The following PPARA variants were observed in gnomAD, a reference collection of about 807,000 sequenced individuals.
The protein encoded by PPARA is peroxisome proliferator activated receptor alpha.
A neutral mutation model predicts 42.2 loss-of-function variants in PPARA; 22 were observed. The observed-to-expected ratio is 0.52, with a 90% CI of 0.37 to 0.74. PPARA has a LOEUF of 0.74. Among genes scored for constraint, PPARA ranks in the 30% least tolerant of loss-of-function variants. The pLI is 0.00. For synonymous variants in PPARA, 242 were observed against 239.3 expected, an observed-to-expected ratio of 1.01 and a Z score of -0.10; for missense variants, 465 against 608.2, an observed-to-expected ratio of 0.76 and a Z score of 2.48.
At chr22:46,157,877 C>G (rs989982853) in intron 2 of PPARA, among the ~76,000 whole-genome samples, 2 of 152,112 alleles carry the variant, frequency 1.3e-5, no homozygotes, top group East Asian at 3.8e-4. Flanking sequence ...AAGAGATTTG[C>G]AGATAAAGAG....
chr22:46,191,595 G>A lies in PPARA; in HGVS notation c.-42-6747G>A, dbSNP rs1931561358. Among the ~76,000 whole-genome samples, 1 of 150,480 alleles carries A rather than the reference G, an allele frequency of 6.6e-6. No homozygotes were observed. Among genetic ancestry groups the A allele is most frequent in the South Asian group, 2.1e-4 (1 of 4,778 alleles). ...CCCACGCAGAGTCCCTTTGACTTCT[G>A]TTCTAGATATCCATTACATTTTTGT... On this transcript the variant is annotated intron_variant, in intron 3 of 8. Coordinates refer to ENST00000407236, the MANE Select transcript of PPARA (RefSeq NM_005036.6). The surrounding 1 kb of genome is among the most constrained non-coding windows in gnomAD (Gnocchi z 4.6).
At position 46,236,754 on chromosome 22, in the gene PPARA, G is replaced by T. The variant is rs1209843104; in HGVS notation, c.*1374G>T. 1 of 152,614 alleles carries T rather than the reference G, an allele frequency of 6.6e-6. No homozygotes were observed. The highest frequency in any genetic ancestry group is 1.5e-5 in the Non-Finnish European group (1 of 68,050). 9.5% of individuals were successfully genotyped at this position (152,614 alleles called of 1,614,324 possible). On this transcript the variant is annotated 3_prime_UTR_variant, in exon 9 of 9. Coordinates refer to ENST00000407236, the MANE Select transcript of PPARA (RefSeq NM_005036.6). This position sits in a 1 kb window ranked among gnomAD's most constrained non-coding sequence, Gnocchi z 5.2. ...GCCAGTCACCCTGCGGATCGAGAGAGGGGGTAGAGTCTTCTTCAAATGGCA... is the reference window on the plus strand; with the variant it reads ...GCCAGTCACCCTGCGGATCGAGAGATGGGGTAGAGTCTTCTTCAAATGGCA...
chr22:46,193,549 C>T lies in PPARA; in HGVS notation c.-42-4793C>T, dbSNP rs987822021. 2.0e-5 allele frequency among the ~76,000 whole-genome samples: 3 copies of T among 152,042 alleles called. No individual in the cohort carries two copies. On this transcript the variant is annotated intron_variant, in intron 3 of 8. Coordinates refer to ENST00000407236, the MANE Select transcript of PPARA (RefSeq NM_005036.6). This position sits in a 1 kb window ranked among gnomAD's most constrained non-coding sequence, Gnocchi z 5.3. ...TGCCTATGTCAAAGCATCTCATGTA[C>T]CCCATAAATATATACACTGAGTATA...
At chr22:46,215,435 C>A (rs1934387821) in intron 5 of PPARA, 102 bp downstream of exon 5, 1 of 1,504,716 alleles carries the variant, frequency 6.6e-7, no homozygotes, top group East Asian at 2.3e-5. Flanking sequence ...GCAGAAAGTC[C>A]CGGATAAGAA....
chr22:46,168,539 AT>A (rs1927481802), intron 2 of PPARA, among the ~76,000 whole-genome samples: 1 of 151,882 alleles, frequency 6.6e-6, no homozygotes, highest in African/African-American at 2.4e-5. Flanking sequence ...TTGGATATGG[AT>A]TATATAAAGA....
At position 46,233,358 on chromosome 22, in the gene PPARA, A is replaced by G. The variant is rs1214564626; in HGVS notation, c.1159+1119A>G. Among the ~76,000 whole-genome samples, 5 of 152,154 alleles carry G rather than the reference A, an allele frequency of 3.3e-5. No homozygotes were observed. The highest frequency in any genetic ancestry group is 3.3e-4 in the Admixed American group (5 of 15,274). ...TTTTGGCTCGGTGTCACGTTCCTTTAAATAGCCCCATCTCAGGTCTAGGAA... is the reference window on the plus strand; with the variant it reads ...TTTTGGCTCGGTGTCACGTTCCTTTGAATAGCCCCATCTCAGGTCTAGGAA... On this transcript the variant is annotated intron_variant, in intron 8 of 8. Coordinates refer to ENST00000407236, the MANE Select transcript of PPARA (RefSeq NM_005036.6). The surrounding 1 kb of genome is among the most constrained non-coding windows in gnomAD (Gnocchi z 7.3).
At position 46,239,831 on chromosome 22, in the gene PPARA, T is replaced by C; in HGVS notation, c.*4451T>C. Reference sequence around the variant, plus strand: ...AACTTGCACCTGGGCCTCTCTGTGTTTGGTTCCAAGCACTTCCCACCTCAA... The same window carrying C: ...AACTTGCACCTGGGCCTCTCTGTGTCTGGTTCCAAGCACTTCCCACCTCAA... On this transcript the variant is annotated 3_prime_UTR_variant, in exon 9 of 9. Coordinates refer to ENST00000407236, the MANE Select transcript of PPARA (RefSeq NM_005036.6). 1 of 207,384 alleles carries C rather than the reference T, an allele frequency of 4.8e-6. No individual in the cohort carries two copies. Among genetic ancestry groups the C allele is most frequent in the Middle Eastern group, 1.7e-3 (1 of 580 alleles). The allele number at this position is 207,384 out of a possible 1,614,324, so 12.8% of individuals were successfully genotyped here. A position where few individuals can be genotyped will look rare whatever the true frequency, so the allele number is the denominator to read the frequency against.
Position 46,231,842 on chromosome 22 carries a change from G to A in PPARA, c.762G>A (p.Leu254=). The A allele has an allele frequency of 1.2e-6, 2 of 1,614,012 alleles. No homozygotes were observed. Among genetic ancestry groups the A allele is most frequent in the Non-Finnish European group, 1.7e-6 (2 of 1,180,004 alleles). The change falls in exon 8 of 9, where the codon CTG becomes CTA. Residue 254 remains leucine, a synonymous_variant. Transcript: ENST00000407236. This position sits in a 1 kb window ranked among gnomAD's most constrained non-coding sequence, Gnocchi z 7.7. ...CACTGTGTATGGCTGAGAAGACGCT[G>A]GTGGCCAAGCTGGTGGCCAATGGCA... ...METLCMAEKT[L]VAKLVANGIQ... is the part of the protein sequence containing the mutation.
chr22:46,214,520 G>A (rs1934262271), intron 4 of PPARA, among the ~76,000 whole-genome samples: 1 of 138,412 alleles, frequency 7.2e-6, no homozygotes, highest in African/African-American at 2.7e-5. Context: ...GCAGAGCGGA[G>A]ATGTGTGGAT....
At chr22:46,217,567 A>C (rs1465903198) in intron 5 of PPARA, among the ~76,000 whole-genome samples, 1 of 152,146 alleles carries the variant, frequency 6.6e-6, no homozygotes, top group Non-Finnish European at 1.5e-5. Flanking sequence ...CTCTTACAAA[A>C]ATTCTTAGAA....
At chr22:46,186,615 C>G (rs968877905) in intron 3 of PPARA, among the ~76,000 whole-genome samples, 1 of 152,098 alleles carries the variant, frequency 6.6e-6, no homozygotes, top group South Asian at 2.1e-4. Flanking sequence ...TTCAGCCAGG[C>G]GTAGTGGCTC....
rs989245479 is a variant in PPARA, at chr22:46,184,722, G to A, written c.-43+7886G>A. Among the ~76,000 whole-genome samples, 1 of 152,198 alleles carries A rather than the reference G, an allele frequency of 6.6e-6. No homozygotes were observed. Among genetic ancestry groups the A allele is most frequent in the Non-Finnish European group, 1.5e-5 (1 of 68,032 alleles). ...ATACAAAAATTAGCCAGGCGTGGTG[G>A]CGCACGCCTGTAGTACCAGCTATTC... On this transcript the variant is annotated intron_variant, in intron 3 of 8. Transcript: ENST00000407236. This position sits in a 1 kb window ranked among gnomAD's most constrained non-coding sequence, Gnocchi z 4.4.
intron 4 of PPARA, among the ~76,000 whole-genome samples, chr22:46,205,548 A>ATGTTTTTTT (rs1569226218): frequency 3.4e-5 from 1 of 29,420 alleles, no homozygotes; most frequent in Non-Finnish European, 5.8e-5. Context: ...ATATATATAT[A>ATGTTTTTTT]TATATATTTT....
chr22:46,205,111 A>G (rs550636305), intron 4 of PPARA, among the ~76,000 whole-genome samples: 247 of 151,920 alleles, frequency 1.6e-3, no homozygotes, highest in Middle Eastern at 3.4e-3. Context: ...CGACCCTCCC[A>G]CTTCGGCCTC....
At position 46,218,178 on chromosome 22, in the gene PPARA, T is replaced by A. The variant is rs142262635; in HGVS notation, c.370-85T>A. ...TGTTCATTTAAAAAGAAACAATAAA[T>A]GAGCAACAAAAAAGGTGAGTAAAGC... On this transcript the variant is annotated intron_variant, in intron 5 of 8. Coordinates refer to ENST00000407236, the MANE Select transcript of PPARA (RefSeq NM_005036.6). 34 of 1,532,914 alleles carry A rather than the reference T, an allele frequency of 2.2e-5. No homozygotes were observed. In the African/African-American group the frequency reaches 4.4e-4, roughly 20 times the overall value. The allele number at this position is 1,532,914 out of a possible 1,614,324, so 95.0% of individuals were successfully genotyped here.
At position 46,211,645 on chromosome 22, in the gene PPARA, A is replaced by G. The variant is rs1933941922; in HGVS notation, c.209-3528A>G. 6.6e-6 allele frequency among the ~76,000 whole-genome samples: 1 copy of G among 152,168 alleles called. No individual in the cohort carries two copies. Among genetic ancestry groups the G allele is most frequent in the South Asian group, 2.1e-4 (1 of 4,834 alleles). On this transcript the variant is annotated intron_variant, in intron 4 of 8. Transcript: ENST00000407236. The surrounding 1 kb of genome is among the most constrained non-coding windows in gnomAD (Gnocchi z 4.1). ...CTATAAAGTTCTGTGGGTTTTCACA[A>G]ATGCGTAGTGTCATGTATCCACCAC... is the stretch of plus-strand genomic sequence containing the variant.
intron 3 of PPARA, among the ~76,000 whole-genome samples, chr22:46,194,148 C>T (rs1020176427): frequency 6.6e-6 from 1 of 152,230 alleles, no homozygotes; most frequent in Non-Finnish European, 1.5e-5. Flanking sequence ...CCAAAGGCAA[C>T]TGTTCCTTAT....
rs1182424291 is a variant in PPARA at position 46,180,668 on chromosome 22, A to C, written c.-43+3832A>C. Among the ~76,000 whole-genome samples the C allele has an allele frequency of 6.6e-6, 1 of 152,176 alleles. No homozygotes were observed. Among genetic ancestry groups the C allele is most frequent in the Admixed American group, 6.6e-5 (1 of 15,264 alleles). On this transcript the variant is annotated intron_variant, in intron 3 of 8. Coordinates refer to ENST00000407236, the MANE Select transcript of PPARA (RefSeq NM_005036.6). The surrounding 1 kb of genome is among the most constrained non-coding windows in gnomAD (Gnocchi z 4.2). ...ACATATTTCCTGCCTCAAGATGCGT[A>C]AAAGGTACTTGCCTTCTTTGTTTGG...
rs1936263785 is a variant in PPARA at position 46,237,788 on chromosome 22, T to C, written c.*2408T>C. The C allele has an allele frequency of 6.6e-6, 1 of 152,240 alleles. No homozygotes were observed. Among genetic ancestry groups the C allele is most frequent in the African/African-American group, 2.4e-5 (1 of 41,456 alleles). The allele number at this position is 152,240 out of a possible 1,614,324, so 9.4% of individuals were successfully genotyped here. On this transcript the variant is annotated 3_prime_UTR_variant, in exon 9 of 9. Transcript: ENST00000407236. The surrounding 1 kb of genome is among the most constrained non-coding windows in gnomAD (Gnocchi z 6.7). ...GAAGCTAGCCTTTGAGTGTCTGTCA[T>C]GGTGCATCCGTTTCAGTATTATTTC...
Sources: allele counts gnomAD v4.1 joint callset (sites outside exome capture counted in the v4.1 genomes callset), GRCh38; gene constraint gnomAD v4.1.1; non-coding constraint Gnocchi (gnomAD v3.1); transcripts MANE v1.5; gene names NCBI Gene and HGNC (gene_info 2026-07-23, HGNC 2026-07-21).